The following RREB1 variants were observed in gnomAD, a reference collection of about 807,000 sequenced individuals.
RREB1 encodes ras responsive element binding protein 1, also known as ras-responsive element-binding protein 1.
Under a neutral mutation model 117.8 loss-of-function variants are expected in RREB1, and 27 were observed. That is an observed-to-expected ratio of 0.23 (90% CI 0.17 to 0.32). The LOEUF (loss-of-function observed/expected upper bound fraction) is 0.32, where lower values mean the gene tolerates loss of function less well. Ranked by LOEUF, RREB1 falls within the 10% of genes least tolerant of loss-of-function variation. The pLI is 1.00. For synonymous variants in RREB1, 1,298 were observed against 1,026.7 expected, an observed-to-expected ratio of 1.26 and a Z score of -5.05; for missense variants, 2,577 against 2,378.2, an observed-to-expected ratio of 1.08 and a Z score of -1.74.
intron 1 of RREB1, among the ~76,000 whole-genome samples, chr6:7,174,886 G>A (rs1177832375): frequency 1.3e-5 from 2 of 152,104 alleles, no homozygotes; most frequent in African/African-American, 4.8e-5. Flanking sequence ...TGGGATTATA[G>A]ATGTGAGCCA....
intron 10 of RREB1, among the ~76,000 whole-genome samples, chr6:7,232,868 G>C (rs1194057400): frequency 6.6e-6 from 1 of 150,982 alleles, no homozygotes; most frequent in Admixed American, 6.6e-5. Context: ...TGGGATCACA[G>C]GCATGAGCCC....
chr6:7,149,120 AC>A (rs1361022532), intron 1 of RREB1, among the ~76,000 whole-genome samples: 4 of 152,096 alleles, frequency 2.6e-5, no homozygotes, highest in African/African-American at 9.7e-5. Context: ...TCGGGGTTTC[AC>A]CATATTGGTC....
At chr6:7,208,042 C>T (rs1766374686) in intron 6 of RREB1, among the ~76,000 whole-genome samples, 1 of 152,178 alleles carries the variant, frequency 6.6e-6, no homozygotes, top group South Asian at 2.1e-4. Context: ...GGCTGAATCC[C>T]ATCCCAGCTC....
At chr6:7,221,192 C>T (rs1232086370) in intron 8 of RREB1, among the ~76,000 whole-genome samples, 2 of 151,120 alleles carry the variant, frequency 1.3e-5, no homozygotes, top group East Asian at 1.9e-4. Flanking sequence ...GACGGAGTCT[C>T]GCTCTGTCGC....
Position 7,229,989 on chromosome 6 carries a change from C to G in RREB1, c.1890C>G (p.Pro630=), listed in dbSNP as rs928375736. Residue 630 remains proline, a synonymous_variant, in exon 10 of 13, where the codon CCC becomes CCG. Coordinates refer to ENST00000379938, the MANE Select transcript of RREB1 (RefSeq NM_001003699.4). This position sits in a 1 kb window ranked among gnomAD's most constrained non-coding sequence, Gnocchi z 4.5. ...EGELKAFMTA[P]GGKKTPAMRK... ...AACTCAAGGCCTTCATGACAGCGCCCGGCGGCAAGAAGACGCCCGCCATGC... is the reference window on the plus strand; with the variant it reads ...AACTCAAGGCCTTCATGACAGCGCCGGGCGGCAAGAAGACGCCCGCCATGC... 3 of 1,607,318 alleles carry G rather than the reference C, an allele frequency of 1.9e-6. No individual in the cohort carries two copies. Among genetic ancestry groups the G allele is most frequent in the Non-Finnish European group, 2.6e-6 (3 of 1,175,546 alleles).
intron 1 of RREB1, among the ~76,000 whole-genome samples, chr6:7,133,190 G>A (rs1013083718): frequency 1.3e-5 from 2 of 152,190 alleles, no homozygotes; most frequent in Non-Finnish European, 2.9e-5. Context: ...GGTGAGGAAA[G>A]TGAGGCCTGG....
At chr6:7,207,340 A>G (rs914745818) in intron 6 of RREB1, among the ~76,000 whole-genome samples, 1 of 152,212 alleles carries the variant, frequency 6.6e-6, no homozygotes, top group Non-Finnish European at 1.5e-5. Flanking sequence ...ACTCTCACCA[A>G]CGATGGGAGA....
intron 6 of RREB1, among the ~76,000 whole-genome samples, chr6:7,208,914 G>A (rs1443404802): frequency 1.3e-5 from 2 of 152,172 alleles, no homozygotes; most frequent in African/African-American, 4.8e-5. Flanking sequence ...TTTGGGGGAA[G>A]AGCATGAGCT....
chr6:7,146,063 G>A (rs983912540), intron 1 of RREB1, among the ~76,000 whole-genome samples: 31 of 150,552 alleles, frequency 2.1e-4, no homozygotes, highest in African/African-American at 6.6e-4. Flanking sequence ...CCGCCCCCCA[G>A]GACTTTAATA....
chr6:7,189,968 A>G (rs1450430882), intron 6 of RREB1, among the ~76,000 whole-genome samples: 3 of 152,326 alleles, frequency 2.0e-5, no homozygotes, highest in Admixed American at 1.3e-4. Context: ...TTACTTTTCC[A>G]TATTCCTGTC....
chr6:7,140,042 ATG>A (rs1185206686), intron 1 of RREB1, among the ~76,000 whole-genome samples: 1 of 152,238 alleles, frequency 6.6e-6, no homozygotes, highest in Non-Finnish European at 1.5e-5. Flanking sequence ...ACAGATGAAA[ATG>A]AGAGAGTCCA....
intron 10 of RREB1, among the ~76,000 whole-genome samples, chr6:7,234,082 T>C (rs1380600063): frequency 6.6e-6 from 1 of 152,158 alleles, no homozygotes; most frequent in Non-Finnish European, 1.5e-5. Context: ...ATTTCTAGAT[T>C]TGTAAAGTAT....
Position 7,231,281 on chromosome 6 carries a change from AGCTGCCCCC to A in RREB1, c.3187_3195del (p.Pro1063_Leu1065del). 1 of 1,609,578 alleles carries A rather than the reference AGCTGCCCCC, an allele frequency of 6.2e-7. No homozygotes were observed. The highest frequency in any genetic ancestry group is 8.5e-7 in the Non-Finnish European group (1 of 1,177,628). On this transcript the variant is annotated inframe_deletion, in exon 10 of 13. Transcript: ENST00000379938. ...TTGCCAAAGCCCCCCGTGACAGAAGAGCTGCCCCCGCTGGCCTCCATTGCCCAGATCATC... is the reference window on the plus strand; with the variant it reads ...TTGCCAAAGCCCCCCGTGACAGAAGAGCTGGCCTCCATTGCCCAGATCATC...
At chr6:7,227,268 C>T (rs967579307) in intron 9 of RREB1, among the ~76,000 whole-genome samples, 3 of 151,380 alleles carry the variant, frequency 2.0e-5, no homozygotes, top group Admixed American at 6.6e-5. Flanking sequence ...TAGGGCCGGG[C>T]GTGGTGGCTC....
chr6:7,134,994 G>T (rs1762291508), intron 1 of RREB1, among the ~76,000 whole-genome samples: 1 of 152,180 alleles, frequency 6.6e-6, no homozygotes, highest in South Asian at 2.1e-4. Flanking sequence ...TTGGGAAAGA[G>T]AATGCAATCA....
At chr6:7,191,096 G>A (rs1173322423) in intron 6 of RREB1, among the ~76,000 whole-genome samples, 1 of 152,160 alleles carries the variant, frequency 6.6e-6, no homozygotes, top group African/African-American at 2.4e-5. Context: ...GCTATAAAAG[G>A]CGTAGTTATT....
At chr6:7,222,017 C>T (rs1249098500) in intron 8 of RREB1, among the ~76,000 whole-genome samples, 2 of 152,050 alleles carry the variant, frequency 1.3e-5, no homozygotes, top group African/African-American at 4.8e-5. Flanking sequence ...GAGATCCCCC[C>T]GTTTTAGATG....
chr6:7,115,895 C>A (rs895470402), intron 1 of RREB1, among the ~76,000 whole-genome samples: 1 of 152,164 alleles, frequency 6.6e-6, no homozygotes, highest in Non-Finnish European at 1.5e-5. Context: ...GCCGTCCTGA[C>A]GTATGTCTGT....
intron 2 of RREB1, among the ~76,000 whole-genome samples, chr6:7,177,563 C>G (rs1764566991): frequency 6.6e-6 from 1 of 152,074 alleles, no homozygotes; most frequent in Non-Finnish European, 1.5e-5. Flanking sequence ...GAGACAGGGT[C>G]TCACTCTGTC....
Sources: allele counts gnomAD v4.1 joint callset (sites outside exome capture counted in the v4.1 genomes callset), GRCh38; gene constraint gnomAD v4.1.1; non-coding constraint Gnocchi (gnomAD v3.1); transcripts MANE v1.5; gene names NCBI Gene and HGNC (gene_info 2026-07-23, HGNC 2026-07-21).